Variants in FRMD1 observed in about 807,000 individuals in gnomAD.
FRMD1 encodes the protein FERM domain containing 1.
A neutral mutation model predicts 54.9 loss-of-function variants in FRMD1; 51 were observed. That is an observed-to-expected ratio of 0.93 (90% CI 0.74 to 1.17). The LOEUF is 1.17. Ranked by LOEUF, FRMD1 falls within the 50% of genes most tolerant of loss-of-function variation. The probability of loss-of-function intolerance (pLI) is 0.00; values close to 1 mark genes in which losing one functional copy is unlikely to be tolerated. For synonymous variants in FRMD1, 324 were observed against 306.4 expected, an observed-to-expected ratio of 1.06 and a Z score of -0.60; for missense variants, 729 against 743.0, an observed-to-expected ratio of 0.98 and a Z score of 0.22.
At chr6:168,063,237 G>C (rs1179663708) in intron 6 of FRMD1, among the ~76,000 whole-genome samples, 1 of 151,932 alleles carries the variant, frequency 6.6e-6, no homozygotes, top group Non-Finnish European at 1.5e-5. Context: ...CAGCCACGGG[G>C]GCTCCATCCA....
At chr6:168,057,476 T>C (rs1799474253) in intron 10 of FRMD1, 137 bp from the exon 11 acceptor site, 3 of 1,345,978 alleles carry the variant, frequency 2.2e-6, no homozygotes, top group Non-Finnish European at 3.0e-6. Context: ...ATGGCCGGCC[T>C]GCCCCTGGAC....
rs1402786335 is a variant in FRMD1 at position 168,053,592 on chromosome 6, G to A, written c.*3505C>T. 6.6e-6 allele frequency: 1 copy of A among 152,338 alleles called. No individual in the cohort carries two copies. The highest frequency in any genetic ancestry group is 1.5e-5 in the Non-Finnish European group (1 of 68,106). 9.4% of individuals were successfully genotyped at this position (152,338 alleles called of 1,614,324 possible). On this transcript the variant is annotated 3_prime_UTR_variant, in exon 11 of 11. Transcript: ENST00000283309. ...CTCAGTGCCCCTCAAGGCGAAAGGA[G>A]CGTGACGGATGAACCCTGAGTGGAA...
intron 2 of FRMD1, among the ~76,000 whole-genome samples, chr6:168,074,666 ATGTG>A (rs1800484227): frequency 9.4e-6 from 1 of 106,910 alleles, no homozygotes; most frequent in African/African-American, 3.7e-5. Context: ...TGTGTGGTGT[ATGTG>A]TATGTGTGAG....
chr6:168,062,135 G>A (rs565757831), intron 7 of FRMD1, among the ~76,000 whole-genome samples, 154 bp from the exon 8 acceptor site: 5 of 152,372 alleles, frequency 3.3e-5, no homozygotes, highest in Admixed American at 1.3e-4. Context: ...CACTGTGCGC[G>A]GACACTGTGC....
chr6:168,072,292 G>A (rs957830371), intron 2 of FRMD1, among the ~76,000 whole-genome samples: 27 of 152,176 alleles, frequency 1.8e-4, no homozygotes, highest in Non-Finnish European at 2.9e-5. Flanking sequence ...TCCACCCTCA[G>A]AACCCCCCAA....
upstream of FRMD1, among the ~76,000 whole-genome samples, chr6:168,082,488 C>T (rs1342054114): frequency 1.3e-5 from 2 of 152,208 alleles, no homozygotes; most frequent in African/African-American, 2.4e-5. Flanking sequence ...CCCTGCTGTC[C>T]GTCAGCACTG....
intron 10 of FRMD1, chr6:168,057,740 GTGA>G: frequency 4.7e-6 from 1 of 211,532 alleles, no homozygotes; most frequent in Non-Finnish European, 9.5e-6. Context: ...GGGTTCAGAG[GTGA>G]CTGTCCAAGG....
In FRMD1 at chr6:168,053,147, G is replaced by T. The variant is rs193151309; in HGVS notation, c.*3950C>A. The T allele has an allele frequency of 7.5e-6, 1 of 132,738 alleles. No individual in the cohort carries two copies. The highest frequency in any genetic ancestry group is 2.9e-5 in the African/African-American group (1 of 34,868). 8.2% of individuals were successfully genotyped at this position (132,738 alleles called of 1,614,324 possible). ...CCTGTGATTAATAAACAATTAACCC[G>T]CGCCATTTTCCCCACTGCGTGTTCA... On this transcript the variant is annotated 3_prime_UTR_variant, in exon 11 of 11. Coordinates refer to ENST00000283309, the MANE Select transcript of FRMD1 (RefSeq NM_024919.6).
In FRMD1 at chr6:168,067,360, C is replaced by CACTT; in HGVS notation, c.384+3_384+6dup. On this transcript the variant is annotated splice_region_variant and intron_variant, in intron 3 of 10. Transcript: ENST00000283309. ...CTGCCCTCTCCCACCCGACACTCTA[C>CACTT]ACTTACTTCATTTCTTTCTTTCTTC... 6.7e-5 allele frequency: 106 copies of CACTT among 1,581,324 alleles called. No homozygotes were observed. Among genetic ancestry groups the CACTT allele is most frequent in the Non-Finnish European group, 9.0e-5 (104 of 1,159,210 alleles).
intron 8 of FRMD1, 102 bp downstream of exon 8, chr6:168,061,705 A>G (rs1799742812): frequency 2.4e-6 from 3 of 1,266,896 alleles, no homozygotes; most frequent in Non-Finnish European, 3.2e-6. Context: ...GGCCACAACA[A>G]TAAGAGACAG....
chr6:168,086,227 C>A (rs1406763510), upstream of FRMD1, among the ~76,000 whole-genome samples: 1 of 152,088 alleles, frequency 6.6e-6, no homozygotes, highest in East Asian at 1.9e-4. Flanking sequence ...AGCATGGACA[C>A]CCACATCTTC....
At chr6:168,078,670 C>CCCCACGGCCA in intron 1 of FRMD1, among the ~76,000 whole-genome samples, 1 of 131,368 alleles carries the variant, frequency 7.6e-6, no homozygotes, top group Non-Finnish European at 1.6e-5. Flanking sequence ...CCCTGCTCAC[C>CCCCACGGCCA]CCCATGGCTC....
chr6:168,068,752 A>G lies in FRMD1; in HGVS notation c.305-1306T>C, dbSNP rs370098657. Among the ~76,000 whole-genome samples the G allele has an allele frequency of 3.9e-5, 6 of 152,356 alleles. No individual in the cohort carries two copies. The East Asian group carries it at 5.8e-4, about 15-fold the overall frequency. ...GGGAAAAGTTAGTCCCTGATAAGGC[A>G]GTACTCCCTTACAGCCACCTGCATT... On this transcript the variant is annotated intron_variant, in intron 2 of 10. Coordinates refer to ENST00000283309, the MANE Select transcript of FRMD1 (RefSeq NM_024919.6).
chr6:168,084,723 T>C (rs575742045), upstream of FRMD1, among the ~76,000 whole-genome samples: 31 of 152,312 alleles, frequency 2.0e-4, no homozygotes, highest in Non-Finnish European at 4.0e-4. Flanking sequence ...CGGAATTTTG[T>C]AGGGAAAAAG....
chr6:168,091,204 G>T (rs1034736810), intron 1 of FRMD1, among the ~76,000 whole-genome samples: 1 of 152,206 alleles, frequency 6.6e-6, no homozygotes. Flanking sequence ...ACTGCCAGCC[G>T]ATAATAAAAG....
chr6:168,062,950 CCTT>C lies in FRMD1; in HGVS notation c.811_813del (p.Lys271del). 3 of 1,613,996 alleles carry C rather than the reference CCTT, an allele frequency of 1.9e-6. No homozygotes were observed. The highest frequency in any genetic ancestry group is 2.5e-6 in the Non-Finnish European group (3 of 1,179,890). ...CCCAGGATCACGGTGGGACGACCTT[CCTT>C]CTTATCCTAGAGGACACAGGTCAGA... On this transcript the variant is annotated inframe_deletion, in exon 7 of 11. Transcript: ENST00000283309.
Position 168,078,917 on chromosome 6 carries a change from G to T in FRMD1, c.178C>A (p.Leu60Met), listed in dbSNP as rs763118186. The part of the protein sequence containing the change: ...ASEHRDVLVL[L>M]PSREQLRLAV... ...AGCCGCAGTTGCTCCCGGCTGGGCAGCAGCACGAGGACATCCCTGTGTTCC... is the reference window on the plus strand; with the variant it reads ...AGCCGCAGTTGCTCCCGGCTGGGCATCAGCACGAGGACATCCCTGTGTTCC... Residue 60 changes from leucine to methionine, a missense_variant, in exon 1 of 11, where the codon CTG becomes ATG. By Grantham distance (15) the Leu-to-Met change is conservative (BLOSUM62 2). Transcript: ENST00000283309. 4.4e-6 allele frequency: 7 copies of T among 1,602,880 alleles called. No homozygotes were observed. Among genetic ancestry groups the T allele is most frequent in the Non-Finnish European group, 5.9e-6 (7 of 1,177,328 alleles).
rs567904183 is a variant in FRMD1, at chr6:168,055,324, T to C, written c.*1773A>G. On this transcript the variant is annotated 3_prime_UTR_variant, in exon 11 of 11. Coordinates refer to ENST00000283309, the MANE Select transcript of FRMD1 (RefSeq NM_024919.6). ...GTGTGCATGTATGGATGTGTGCATG[T>C]GTGTGTGTGCATGCGTGTGCATCTG... 209 of 153,134 alleles carry C rather than the reference T, an allele frequency of 1.4e-3. 2 individuals carry two copies. The highest frequency in any genetic ancestry group is 2.1e-3 in the Non-Finnish European group (144 of 68,800). The allele number at this position is 153,134 out of a possible 1,614,324, so 9.5% of individuals were successfully genotyped here.
At position 168,074,435 on chromosome 6, in the gene FRMD1, C is replaced by T. The variant is rs552515881; in HGVS notation, c.304+810G>A. Among the ~76,000 whole-genome samples, 151 of 151,966 alleles carry T rather than the reference C, an allele frequency of 9.9e-4. 1 individual carries two copies. The highest frequency in any genetic ancestry group is 3.5e-3 in the African/African-American group (145 of 41,444). ...CATGTGTGTGGTGCGCACATGTGTA[C>T]ATGTGCGAGTGGTGTGTAACTGTGT... On this transcript the variant is annotated intron_variant, in intron 2 of 10. Coordinates refer to ENST00000283309, the MANE Select transcript of FRMD1 (RefSeq NM_024919.6).
Sources: allele counts gnomAD v4.1 joint callset (sites outside exome capture counted in the v4.1 genomes callset), GRCh38; gene constraint gnomAD v4.1.1; transcripts MANE v1.5; gene names NCBI Gene and HGNC (gene_info 2026-07-23, HGNC 2026-07-21).